The following FAF2 variants were observed in gnomAD, a reference collection of about 807,000 sequenced individuals.
The protein encoded by FAF2 is FAS-associated factor 2.
Under a neutral mutation model 62.3 loss-of-function variants are expected in FAF2, and 9 were observed. The observed-to-expected ratio is 0.14, with a 90% CI of 0.09 to 0.25. The LOEUF (loss-of-function observed/expected upper bound fraction) is 0.25. Ranked by LOEUF, FAF2 falls within the 10% of genes least tolerant of loss-of-function variation. The pLI is 1.00. For synonymous variants in FAF2, 202 were observed against 198.0 expected, an observed-to-expected ratio of 1.02 and a Z score of -0.17; for missense variants, 368 against 556.2, an observed-to-expected ratio of 0.66 and a Z score of 3.40.
Position 176,496,589 on chromosome 5 carries a change from T to G in FAF2, c.765T>G (p.Pro255=), listed in dbSNP as rs144969484. The G allele has an allele frequency of 1.8e-4, 296 of 1,612,634 alleles. 1 individual carries two copies. Among genetic ancestry groups the G allele is most frequent in the South Asian group, 4.1e-4 (37 of 90,982 alleles). The change falls in exon 8 of 11, where the codon CCT becomes CCG. Residue 255 remains proline, a synonymous_variant. Coordinates refer to ENST00000261942, the MANE Select transcript of FAF2 (RefSeq NM_014613.3). ...VVGRLEGLIQ[P]DDLINQLTFI... ...GACGGCTAGAAGGCCTCATTCAACC[T>G]GATGACCTCATTAACCAACTGACAT...
chr5:176,473,307 C>T (rs2113728454), intron 1 of FAF2, among the ~76,000 whole-genome samples: 1 of 152,242 alleles, frequency 6.6e-6, no homozygotes, highest in South Asian at 2.1e-4. Flanking sequence ...TAGAATATTT[C>T]TCAATTGATA....
rs1180190269 is a variant in FAF2, at chr5:176,465,365, TC to T, written c.64-13822del. On this transcript the variant is annotated intron_variant, in intron 1 of 10. Coordinates refer to ENST00000261942, the MANE Select transcript of FAF2 (RefSeq NM_014613.3). ...AAGAAACTGAAATTTTCTTTTTCTT[TC>T]TTTTTTTTTTTTTTTTTTGAGTTGG... Among the ~76,000 whole-genome samples, 5 of 126,962 alleles carry T rather than the reference TC, an allele frequency of 3.9e-5. 1 individual carries two copies. The highest frequency in any genetic ancestry group is 7.8e-5 in the Non-Finnish European group (5 of 64,428). 83.3% of individuals were successfully genotyped at this position (126,962 alleles called of 152,430 possible). A position where few individuals can be genotyped will look rare whatever the true frequency, so the allele number is the denominator to read the frequency against.
chr5:176,499,995 C>G lies in FAF2; in HGVS notation c.1012-8C>G. The G allele has an allele frequency of 6.2e-7, 1 of 1,613,886 alleles. No individual in the cohort carries two copies. Among genetic ancestry groups the G allele is most frequent in the Non-Finnish European group, 8.5e-7 (1 of 1,179,914 alleles). On this transcript the variant is annotated splice_region_variant and splice_polypyrimidine_tract_variant and intron_variant, in intron 9 of 10. Coordinates refer to ENST00000261942, the MANE Select transcript of FAF2 (RefSeq NM_014613.3). ...CTGTAGCCTCACCTTTGCTTTGTGT[C>G]TCTGCAGAATTTACAGGAGGAAAAG...
intron 10 of FAF2, among the ~76,000 whole-genome samples, chr5:176,505,665 T>C (rs1755665281): frequency 6.6e-6 from 1 of 152,174 alleles, no homozygotes; most frequent in South Asian, 2.1e-4. Context: ...TTCTTTTGCC[T>C]TTGCGTCCTC....
chr5:176,481,573 C>A (rs944934465), intron 2 of FAF2, among the ~76,000 whole-genome samples: 1 of 151,902 alleles, frequency 6.6e-6, no homozygotes, highest in Non-Finnish European at 1.5e-5. Flanking sequence ...AGGAGAATGA[C>A]GTGAACTCGG....
chr5:176,509,433 T>C lies in FAF2; in HGVS notation c.*2483T>C, dbSNP rs541017909. 20 of 152,370 alleles carry C rather than the reference T, an allele frequency of 1.3e-4. No homozygotes were observed. The highest frequency in any genetic ancestry group is 4.8e-4 in the African/African-American group (20 of 41,584). 9.4% of individuals were successfully genotyped at this position (152,370 alleles called of 1,614,324 possible). A position where few individuals can be genotyped will look rare whatever the true frequency, so the allele number is the denominator to read the frequency against. On this transcript the variant is annotated 3_prime_UTR_variant, in exon 11 of 11. Coordinates refer to ENST00000261942, the MANE Select transcript of FAF2 (RefSeq NM_014613.3). The stretch of plus-strand genomic sequence containing the variant: ...CACCTCTGGGATATTTCAGCTGTTG[T>C]TTCCAAATGGCAAATCATCAACTAA...
At chr5:176,492,791 T>C (rs748148483) in intron 5 of FAF2, among the ~76,000 whole-genome samples, 1 of 152,250 alleles carries the variant, frequency 6.6e-6, no homozygotes, top group African/African-American at 2.4e-5. Context: ...CCTTTGTTCT[T>C]CCATAGCTTT....
intron 10 of FAF2, among the ~76,000 whole-genome samples, chr5:176,501,930 T>C (rs1294308315): frequency 6.6e-6 from 1 of 151,954 alleles, no homozygotes; most frequent in Admixed American, 6.6e-5. Flanking sequence ...ATTTTTGTAT[T>C]TTTTTTAGTA....
At chr5:176,487,184 G>C (rs1437290660) in intron 3 of FAF2, among the ~76,000 whole-genome samples, 1 of 152,010 alleles carries the variant, frequency 6.6e-6, no homozygotes, top group Non-Finnish European at 1.5e-5. Flanking sequence ...CTTGATTTTT[G>C]TTGTGTTTTG....
At chr5:176,478,132 T>G (rs1289684503) in intron 1 of FAF2, among the ~76,000 whole-genome samples, 1 of 152,186 alleles carries the variant, frequency 6.6e-6, no homozygotes, top group African/African-American at 2.4e-5. Flanking sequence ...GGGCATGAGA[T>G]GTATACATGA....
intron 1 of FAF2, among the ~76,000 whole-genome samples, chr5:176,451,059 A>G (rs549766542): frequency 1.3e-5 from 2 of 152,306 alleles, no homozygotes; most frequent in South Asian, 2.1e-4. Flanking sequence ...GTTGATGTAC[A>G]TTAACTCTTT....
At chr5:176,499,688 A>G (rs771448689) in intron 9 of FAF2, among the ~76,000 whole-genome samples, 3 of 151,636 alleles carry the variant, frequency 2.0e-5, no homozygotes, top group Non-Finnish European at 2.9e-5. Context: ...CACCAGTGCA[A>G]TCATGGAGCA....
chr5:176,458,946 T>G (rs1199173954), intron 1 of FAF2, among the ~76,000 whole-genome samples: 3 of 152,304 alleles, frequency 2.0e-5, no homozygotes, highest in South Asian at 4.1e-4. Context: ...GATTTCTTTC[T>G]TGATAAGTTC....
intron 5 of FAF2, among the ~76,000 whole-genome samples, chr5:176,492,831 C>T (rs886839919): frequency 3.3e-5 from 5 of 152,168 alleles, no homozygotes; most frequent in African/African-American, 9.7e-5. Flanking sequence ...TATATTCTTT[C>T]CTATATCATT....
chr5:176,492,827 C>CT (rs1355650390), intron 5 of FAF2, among the ~76,000 whole-genome samples: 1 of 152,218 alleles, frequency 6.6e-6, no homozygotes, highest in Non-Finnish European at 1.5e-5. Context: ...ATTTTATATT[C>CT]TTTCCTATAT....
intron 9 of FAF2, 94 bp downstream of exon 9, chr5:176,499,179 C>T: frequency 8.7e-7 from 1 of 1,145,414 alleles, no homozygotes; most frequent in Non-Finnish European, 1.2e-6. Context: ...TGATAGCCAC[C>T]TTAAACAGAC....
At chr5:176,477,417 C>T (rs542860570) in intron 1 of FAF2, among the ~76,000 whole-genome samples, 5 of 151,976 alleles carry the variant, frequency 3.3e-5, no homozygotes, top group East Asian at 1.9e-4. Flanking sequence ...GAATCCACAG[C>T]GAGAAGGAGG....
chr5:176,506,188 C>A, intron 10 of FAF2, among the ~76,000 whole-genome samples: 1 of 135,002 alleles, frequency 7.4e-6, no homozygotes. Flanking sequence ...GAGCGAGACT[C>A]TCTCAAAAAA....
intron 1 of FAF2, among the ~76,000 whole-genome samples, chr5:176,470,653 A>C (rs1758550538): frequency 6.6e-6 from 1 of 152,202 alleles, no homozygotes; most frequent in African/African-American, 2.4e-5. Context: ...ACACACAAAA[A>C]CTGATAGAAA....
Sources: gnomAD v4.1 joint callset for allele counts (sites outside exome capture counted in the v4.1 genomes callset) on GRCh38, gnomAD v4.1.1 for gene constraint, MANE v1.5 for transcripts, NCBI Gene and HGNC (gene_info 2026-07-23, HGNC 2026-07-21) for gene names.